Variants in MAP3K7 observed in about 807,000 individuals in gnomAD.
The protein encoded by MAP3K7 is mitogen-activated protein kinase kinase kinase 7, also known as TGF-beta activated kinase 1.
Under a neutral mutation model 84.8 loss-of-function variants are expected in MAP3K7, and 21 were observed. The observed-to-expected ratio is 0.25, with a 90% CI of 0.18 to 0.36. The LOEUF (loss-of-function observed/expected upper bound fraction) is 0.36. MAP3K7 is among the 10% of genes least tolerant of loss of function. The probability of loss-of-function intolerance (pLI) is 1.00; values close to 1 mark genes in which losing one functional copy is unlikely to be tolerated. For missense variants in MAP3K7, 503 were observed against 747.7 expected (o/e 0.67, Z 3.82); for synonymous variants, 241 against 247.7 (o/e 0.97, Z 0.25).
chr6:90,532,352 G>T (rs1380455046), intron 13 of MAP3K7, among the ~76,000 whole-genome samples: 1 of 152,128 alleles, frequency 6.6e-6, no homozygotes, highest in East Asian at 1.9e-4. Flanking sequence ...ACTGTGGAGA[G>T]GCTGGCATAC....
In MAP3K7 at chr6:90,580,923, T is replaced by C. The variant is rs1426644197; in HGVS notation, c.120+5841A>G. Among the ~76,000 whole-genome samples, 3 of 152,204 alleles carry C rather than the reference T, an allele frequency of 2.0e-5. No homozygotes were observed. The East Asian group carries it at 5.8e-4, about 29-fold the overall frequency. ...ATGATAAGCATTTCTCCCCCTATGGTTGAAACCTCTTTGTTTTGGGTCTAC... is the reference window on the plus strand; with the variant it reads ...ATGATAAGCATTTCTCCCCCTATGGCTGAAACCTCTTTGTTTTGGGTCTAC... On this transcript the variant is annotated intron_variant, in intron 1 of 16. Transcript: ENST00000369329.
chr6:90,527,784 T>C (rs791064), intron 13 of MAP3K7, among the ~76,000 whole-genome samples: 33,003 of 151,822 alleles, frequency 0.22, 4,131 homozygotes, highest in Non-Finnish European at 0.29. Context: ...TTATACATTA[T>C]ATACATTCTT....
intron 14 of MAP3K7, among the ~76,000 whole-genome samples, chr6:90,521,859 T>C (rs1775162857): frequency 6.6e-6 from 1 of 152,170 alleles, no homozygotes; most frequent in South Asian, 2.1e-4. Flanking sequence ...TAAATTGTTA[T>C]GCTCTTTAGC....
chr6:90,532,595 T>C (rs751053289), intron 13 of MAP3K7, among the ~76,000 whole-genome samples: 5 of 152,212 alleles, frequency 3.3e-5, no homozygotes, highest in African/African-American at 9.6e-5. Context: ...CAGTCGTAAT[T>C]TTCACTGACT....
At chr6:90,518,656 T>C (rs1284409973) in intron 15 of MAP3K7, 94 bp from the exon 16 acceptor site, 2 of 702,416 alleles carry the variant, frequency 2.8e-6, no homozygotes, top group South Asian at 1.6e-5. Context: ...TATATTTTTA[T>C]AGCACTAAAG....
At chr6:90,566,959 G>C (rs1390811420) in intron 3 of MAP3K7, among the ~76,000 whole-genome samples, 2 of 152,096 alleles carry the variant, frequency 1.3e-5, no homozygotes, top group Non-Finnish European at 2.9e-5. Flanking sequence ...ACAAGAAATG[G>C]GGAAAGGATT....
chr6:90,533,274 T>G (rs1302709743), intron 13 of MAP3K7, among the ~76,000 whole-genome samples: 2 of 152,212 alleles, frequency 1.3e-5, no homozygotes, highest in Non-Finnish European at 2.9e-5. Flanking sequence ...GCTTTATTGG[T>G]ATTGTCAAAG....
chr6:90,533,636 T>C (rs1424510723), intron 13 of MAP3K7, among the ~76,000 whole-genome samples: 2 of 152,200 alleles, frequency 1.3e-5, no homozygotes, highest in African/African-American at 4.8e-5. Flanking sequence ...TGACCTTGTT[T>C]TTGTCTGTGC....
intron 7 of MAP3K7, among the ~76,000 whole-genome samples, chr6:90,552,587 T>C (rs562319095): frequency 1.3e-5 from 2 of 152,318 alleles, no homozygotes; most frequent in Admixed American, 1.3e-4. Context: ...ACTTGTGGAA[T>C]AATGTAAAAA....
intron 5 of MAP3K7, 144 bp from the exon 6 acceptor site, chr6:90,556,768 G>A: frequency 1.3e-6 from 1 of 787,478 alleles, no homozygotes; most frequent in Non-Finnish European, 1.9e-6. Context: ...TAATTTACTT[G>A]GTCACTATAA....
Position 90,544,611 on chromosome 6 carries a change from C to T in MAP3K7, c.1232G>A (p.Gly411Asp), listed in dbSNP as rs1426464104. 14 of 1,612,228 alleles carry T rather than the reference C, an allele frequency of 8.7e-6. No individual in the cohort carries two copies. Among genetic ancestry groups the T allele is most frequent in the Non-Finnish European group, 1.1e-5 (13 of 1,178,864 alleles). The change falls in exon 12 of 17, where the codon GGC (glycine) becomes GAC (aspartate). Residue 411 changes from glycine to aspartate, a missense_variant. Around this residue, in one of 5 missense-constraint regions of MAP3K7, gnomAD observed 286 missense variants for 313.6 expected, o/e 0.91. Coordinates refer to ENST00000369329, the MANE Select transcript of MAP3K7 (RefSeq NM_145331.3). ...ATTAYSKPKR[G>D]HRKTASFGNI... ...GCCAAATGAAGCAGTTTTACGGTGG[C>T]CCCGTTTAGGCTTGGAATAGGCTGC...
chr6:90,540,924 G>A (rs10455517), intron 12 of MAP3K7, among the ~76,000 whole-genome samples: 1 of 151,910 alleles, frequency 6.6e-6, no homozygotes, highest in Non-Finnish European at 1.5e-5. Context: ...AACTGCATTA[G>A]AATGTCTTAC....
chr6:90,549,701 T>C (rs1776121515), intron 9 of MAP3K7, among the ~76,000 whole-genome samples: 1 of 152,242 alleles, frequency 6.6e-6, no homozygotes, highest in African/African-American at 2.4e-5. Flanking sequence ...ACACAAATGA[T>C]AGAATTTTAG....
intron 1 of MAP3K7, among the ~76,000 whole-genome samples, chr6:90,582,645 G>C (rs564459513): frequency 5.1e-4 from 78 of 152,230 alleles, no homozygotes; most frequent in African/African-American, 1.8e-3. Context: ...ATTCATCTTA[G>C]TGACTTTCCC....
At chr6:90,579,641 C>T (rs537462836) in intron 1 of MAP3K7, among the ~76,000 whole-genome samples, 391 of 152,284 alleles carry the variant, frequency 2.6e-3, no homozygotes, top group Non-Finnish European at 4.3e-3. Context: ...TTGTAGTTTA[C>T]TTGACCTTAG....
intron 2 of MAP3K7, 84 bp downstream of exon 2, chr6:90,571,613 G>A: frequency 1.3e-6 from 1 of 766,954 alleles, no homozygotes. Context: ...AATGACATCT[G>A]AGAAACCAAT....
At chr6:90,566,544 T>C (rs1424823337) in intron 3 of MAP3K7, among the ~76,000 whole-genome samples, 2 of 152,202 alleles carry the variant, frequency 1.3e-5, no homozygotes, top group Non-Finnish European at 2.9e-5. Flanking sequence ...TACAAACCAC[T>C]GCTCATTGGA....
At chr6:90,581,483 G>A (rs953399208) in intron 1 of MAP3K7, among the ~76,000 whole-genome samples, 6 of 152,184 alleles carry the variant, frequency 3.9e-5, no homozygotes, top group Non-Finnish European at 8.8e-5. Flanking sequence ...GTGGCAGAGT[G>A]GAACTGCCAT....
rs1490014350 is a variant in MAP3K7, at chr6:90,515,399, T to C, written c.*1102A>G. The C allele has an allele frequency of 6.6e-6, 1 of 152,004 alleles. No homozygotes were observed. The allele number at this position is 152,004 out of a possible 1,614,324, so 9.4% of individuals were successfully genotyped here. A position where few individuals can be genotyped will look rare whatever the true frequency, so the allele number is the denominator to read the frequency against. On this transcript the variant is annotated 3_prime_UTR_variant, in exon 17 of 17. Coordinates refer to ENST00000369329, the MANE Select transcript of MAP3K7 (RefSeq NM_145331.3). ...ATACTCTGTAAGTGTTGAAATTCTC[T>C]TGAAAGTGTTGAAAGGCGGCAGGCA...
Sources: gnomAD v4.1 joint callset for allele counts (sites outside exome capture counted in the v4.1 genomes callset) on GRCh38, gnomAD v4.1.1 for gene constraint, gnomAD v4.1.1 regional missense constraint, MANE v1.5 for transcripts, NCBI Gene and HGNC (gene_info 2026-07-23, HGNC 2026-07-21) for gene names.